ATP8B4: variants seen among roughly 807,000 people sequenced by gnomAD.
The protein encoded by ATP8B4 is ATPase phospholipid transporting 8B4 (putative).
Under a neutral mutation model 145.6 loss-of-function variants are expected in ATP8B4, and 133 were observed. That is an observed-to-expected ratio of 0.91 (90% CI 0.79 to 1.05). The LOEUF is 1.05. ATP8B4 is among the 50% of genes least tolerant of loss of function. The pLI, the probability that ATP8B4 is intolerant of heterozygous loss-of-function variation, is 0.00. For missense variants in ATP8B4, 1,458 were observed against 1,425.2 expected, an observed-to-expected ratio of 1.02 and a Z score of -0.37; for synonymous variants, 507 against 492.9, an observed-to-expected ratio of 1.03 and a Z score of -0.38.
chr15:50,176,123 C>CAT (rs972053581), intron 1 of ATP8B4, among the ~76,000 whole-genome samples: 20 of 150,046 alleles, frequency 1.3e-4, no homozygotes, highest in Non-Finnish European at 2.2e-4. Flanking sequence ...TACTGCACAG[C>CAT]ATATATATAT....
intron 9 of ATP8B4, among the ~76,000 whole-genome samples, chr15:49,994,647 G>A (rs940112848): frequency 6.6e-6 from 1 of 151,940 alleles, no homozygotes; most frequent in Admixed American, 6.6e-5. Flanking sequence ...GCCAAGCAGG[G>A]TATGGTGGAT....
At chr15:50,042,009 G>T (rs1186414441) in intron 5 of ATP8B4, among the ~76,000 whole-genome samples, 1 of 151,620 alleles carries the variant, frequency 6.6e-6, no homozygotes, top group African/African-American at 2.4e-5. Flanking sequence ...CAAAAAATTA[G>T]CCAGGCGTTG....
intron 2 of ATP8B4, among the ~76,000 whole-genome samples, chr15:50,105,090 G>A (rs2153666740): frequency 6.6e-6 from 1 of 152,110 alleles, no homozygotes; most frequent in Non-Finnish European, 1.5e-5. Flanking sequence ...TGGATTTTGG[G>A]GACTTGGGGG....
intron 8 of ATP8B4, among the ~76,000 whole-genome samples, chr15:49,999,890 C>T (rs1422609421): frequency 1.3e-5 from 2 of 152,126 alleles, no homozygotes; most frequent in Non-Finnish European, 2.9e-5. Flanking sequence ...CTAATCTGTT[C>T]TCTATTTCCA....
At chr15:50,051,730 G>A (rs185215183) in intron 3 of ATP8B4, among the ~76,000 whole-genome samples, 443 of 152,252 alleles carry the variant, frequency 2.9e-3, no homozygotes, top group Admixed American at 6.5e-3. Context: ...CTAACTTAAA[G>A]CTAAAATAGA....
At chr15:49,895,902 G>A (rs1451748100) in intron 23 of ATP8B4, 1 of 152,176 alleles carries the variant, frequency 6.6e-6, no homozygotes, top group African/African-American at 2.4e-5. Context: ...GTTTTTAAAT[G>A]GGGTTTGTCC....
intron 25 of ATP8B4, among the ~76,000 whole-genome samples, chr15:49,868,763 G>GTGAA (rs2153382375): frequency 6.6e-6 from 1 of 152,226 alleles, no homozygotes; most frequent in Non-Finnish European, 1.5e-5. Flanking sequence ...GAACAAGATA[G>GTGAA]TGAAACATTT....
At chr15:49,863,882 T>A (rs1566889727) in intron 26 of ATP8B4, among the ~76,000 whole-genome samples, 1 of 152,160 alleles carries the variant, frequency 6.6e-6, no homozygotes, top group Non-Finnish European at 1.5e-5. Context: ...AGCTCAGTAA[T>A]TAATTACTGA....
intron 2 of ATP8B4, among the ~76,000 whole-genome samples, chr15:50,095,318 G>T (rs945377369): frequency 3.3e-5 from 5 of 152,126 alleles, no homozygotes; most frequent in Non-Finnish European, 7.3e-5. Flanking sequence ...AGAGCATGTG[G>T]CAAAATGAGA....
chr15:50,151,443 A>C (rs983357554), intron 1 of ATP8B4, among the ~76,000 whole-genome samples: 2 of 152,172 alleles, frequency 1.3e-5, no homozygotes, highest in Non-Finnish European at 2.9e-5. Flanking sequence ...GTCTGGGAAC[A>C]CTTGAAGCCA....
intron 6 of ATP8B4, among the ~76,000 whole-genome samples, chr15:50,033,343 A>G (rs796093323): frequency 3.3e-5 from 5 of 152,336 alleles, no homozygotes; most frequent in African/African-American, 9.6e-5. Flanking sequence ...ATGAAGGGTA[A>G]TTGCACTGAA....
intron 2 of ATP8B4, among the ~76,000 whole-genome samples, chr15:50,082,590 T>C (rs1437079553): frequency 1.3e-5 from 2 of 152,238 alleles, no homozygotes; most frequent in Non-Finnish European, 2.9e-5. Context: ...GTAAAATTTT[T>C]ACCAATTCAT....
At chr15:50,174,945 G>A (rs1041313191) in intron 1 of ATP8B4, among the ~76,000 whole-genome samples, 1 of 152,078 alleles carries the variant, frequency 6.6e-6, no homozygotes. Context: ...ATAAAAATAG[G>A]CACATAGATT....
At chr15:50,039,056 G>A (rs912930234) in intron 5 of ATP8B4, among the ~76,000 whole-genome samples, 2 of 152,264 alleles carry the variant, frequency 1.3e-5, no homozygotes, top group Middle Eastern at 3.4e-3. Context: ...AACAAGGCTA[G>A]CCACTACTCT....
intron 14 of ATP8B4, among the ~76,000 whole-genome samples, chr15:49,948,053 G>A (rs57012056): frequency 0.22 from 33,720 of 151,938 alleles, 4,574 homozygotes; most frequent in East Asian, 0.59. Flanking sequence ...TCATAACAAT[G>A]GTCTCGACAA....
upstream of ATP8B4, among the ~76,000 whole-genome samples, chr15:50,123,552 G>A (rs757455207): frequency 2.6e-5 from 4 of 152,146 alleles, no homozygotes; most frequent in Admixed American, 1.3e-4. Flanking sequence ...TCTTCAACTC[G>A]ACCAATCAGC....
chr15:50,011,800 C>G (rs2048738377), intron 6 of ATP8B4, among the ~76,000 whole-genome samples: 2 of 152,098 alleles, frequency 1.3e-5, no homozygotes, highest in African/African-American at 4.8e-5. Context: ...CATCACATTT[C>G]TTTCTCAGAG....
intron 14 of ATP8B4, among the ~76,000 whole-genome samples, chr15:49,951,833 G>C (rs914815712): frequency 6.6e-6 from 1 of 152,162 alleles, no homozygotes; most frequent in Non-Finnish European, 1.5e-5. Flanking sequence ...GCTGGTACGG[G>C]TTTTTCCTTT....
At chr15:50,142,818 A>C (rs1317526479) in intron 1 of ATP8B4, among the ~76,000 whole-genome samples, 1 of 152,210 alleles carries the variant, frequency 6.6e-6, no homozygotes, top group Non-Finnish European at 1.5e-5. Context: ...GTAGGCATGC[A>C]GGGAGGGAGA....
Sources: allele counts gnomAD v4.1 joint callset (sites outside exome capture counted in the v4.1 genomes callset), GRCh38; gene constraint gnomAD v4.1.1; transcripts MANE v1.5; gene names NCBI Gene and HGNC (gene_info 2026-07-23, HGNC 2026-07-21).